Variants in CEP41 observed in about 807,000 individuals in gnomAD.
The protein encoded by CEP41 is centrosomal protein of 41 kDa.
In CEP41, 32 loss-of-function variants were observed where a neutral mutation model predicts 44.3. The observed-to-expected ratio is 0.72, with a 90% CI of 0.54 to 0.97. The LOEUF is 0.97. Among genes scored for constraint, CEP41 ranks in the 50% least tolerant of loss-of-function variants. The pLI, the probability that CEP41 is intolerant of heterozygous loss-of-function variation, is 0.00. For synonymous variants in CEP41, 151 were observed against 168.5 expected, an observed-to-expected ratio of 0.90 and a Z score of 0.80; for missense variants, 432 against 455.2, an observed-to-expected ratio of 0.95 and a Z score of 0.46.
Position 130,406,753 on chromosome 7 carries a change from C to A in CEP41, c.278-2045G>T, listed in dbSNP as rs1180165098. On this transcript the variant is annotated intron_variant, in intron 5 of 10. Transcript: ENST00000223208. ...AATGCTAAAATATTTGTCCTATACACCAATTAAAAAATAACAGGAAAAAAA... is the reference window on the plus strand; with the variant it reads ...AATGCTAAAATATTTGTCCTATACAACAATTAAAAAATAACAGGAAAAAAA... Among the ~76,000 whole-genome samples, 5 of 149,832 alleles carry A rather than the reference C, an allele frequency of 3.3e-5. No individual in the cohort carries two copies. In the Admixed American group the frequency reaches 3.3e-4, roughly 10 times the overall value.
At chr7:130,418,092 T>G (rs984094052) in intron 2 of CEP41, among the ~76,000 whole-genome samples, 26 of 152,180 alleles carry the variant, frequency 1.7e-4, no homozygotes, top group Middle Eastern at 3.2e-3. Flanking sequence ...CATTGTTTTC[T>G]TTTCTTTTCT....
chr7:130,422,231 A>G (rs1478904490), intron 2 of CEP41, among the ~76,000 whole-genome samples: 1 of 152,190 alleles, frequency 6.6e-6, no homozygotes, highest in Non-Finnish European at 1.5e-5. Flanking sequence ...GATTACTCTG[A>G]ATTGCTTGCT....
At chr7:130,416,688 T>C (rs782811336) in intron 3 of CEP41, among the ~76,000 whole-genome samples, 1 of 152,184 alleles carries the variant, frequency 6.6e-6, no homozygotes, top group Non-Finnish European at 1.5e-5. Context: ...AACACTAATG[T>C]CTCCTATGGG....
chr7:130,412,062 C>T, intron 4 of CEP41, 117 bp downstream of exon 4: 1 of 764,272 alleles, frequency 1.3e-6, no homozygotes. Flanking sequence ...AGCTGAACGA[C>T]ATACAAAGAA....
chr7:130,412,910 G>C (rs1554420137), intron 3 of CEP41, among the ~76,000 whole-genome samples: 2 of 152,212 alleles, frequency 1.3e-5, no homozygotes, highest in Non-Finnish European at 2.9e-5. Context: ...TTGTACAACA[G>C]TATGAAAATA....
chr7:130,419,797 T>C (rs531739114), intron 2 of CEP41: 1 of 985,282 alleles, frequency 1.0e-6, no homozygotes, highest in Non-Finnish European at 1.2e-6. Flanking sequence ...ACGTATCACC[T>C]TGCCACATAC....
intron 6 of CEP41, among the ~76,000 whole-genome samples, chr7:130,404,206 T>C (rs1467131826): frequency 6.6e-6 from 1 of 152,196 alleles, no homozygotes; most frequent in Admixed American, 6.5e-5. Context: ...GGACAGGGTA[T>C]TATAAGCTTC....
At chr7:130,399,080 A>T (rs1796763066) in intron 10 of CEP41, 41 bp from the exon 11 acceptor site, 4 of 1,610,132 alleles carry the variant, frequency 2.5e-6, no homozygotes, top group Non-Finnish European at 3.4e-6. Flanking sequence ...TGCAAGAATG[A>T]TTCCAGGGAC....
At chr7:130,408,762 T>C (rs1255277703) in intron 5 of CEP41, among the ~76,000 whole-genome samples, 1 of 152,130 alleles carries the variant, frequency 6.6e-6, no homozygotes, top group Non-Finnish European at 1.5e-5. Context: ...TACAAACATT[T>C]ACATATATAC....
At chr7:130,431,002 G>T (rs1797806765) in intron 1 of CEP41, among the ~76,000 whole-genome samples, 1 of 152,072 alleles carries the variant, frequency 6.6e-6, no homozygotes, top group Non-Finnish European at 1.5e-5. Context: ...CCCGCCCCCG[G>T]TTTTTCCTTA....
chr7:130,441,066 C>T, upstream of CEP41: 3 of 1,349,924 alleles, frequency 2.2e-6, no homozygotes, highest in Non-Finnish European at 3.1e-6. Context: ...TCCCTATACC[C>T]TCTTCTCCGA....
intron 9 of CEP41, chr7:130,400,497 T>A: frequency 1.6e-6 from 1 of 637,904 alleles, no homozygotes; most frequent in Non-Finnish European, 2.8e-6. Context: ...TAGGGCTTTG[T>A]GACAGAGCCC....
intron 5 of CEP41, among the ~76,000 whole-genome samples, chr7:130,409,175 A>G (rs371525095): frequency 1.3e-5 from 2 of 152,226 alleles, no homozygotes; most frequent in East Asian, 3.8e-4. Context: ...AAGATAGCCA[A>G]TATGCATACA....
chr7:130,440,780 C>T (rs1798127921), intron 1 of CEP41, 154 bp downstream of exon 1: 2 of 529,008 alleles, frequency 3.8e-6, no homozygotes, highest in Non-Finnish European at 7.0e-6. Flanking sequence ...CCCCCAAGCC[C>T]GGCCCGCCCC....
In CEP41 at chr7:130,401,952, C is replaced by T; in HGVS notation, c.575-4G>A. ...GTTGCAATTGGGTAACTGTAAGCTGCAAAGAGAAGAAAAAGTTTAGGAAGT... is the reference window on the plus strand; with the variant it reads ...GTTGCAATTGGGTAACTGTAAGCTGTAAAGAGAAGAAAAAGTTTAGGAAGT... On this transcript the variant is annotated splice_polypyrimidine_tract_variant and splice_region_variant and intron_variant, in intron 7 of 10. Coordinates refer to ENST00000223208, the MANE Select transcript of CEP41 (RefSeq NM_018718.3). The T allele has an allele frequency of 6.2e-7, 1 of 1,603,918 alleles. No individual in the cohort carries two copies. Among genetic ancestry groups the T allele is most frequent in the Non-Finnish European group, 8.5e-7 (1 of 1,170,884 alleles).
chr7:130,431,192 T>A (rs539922501), intron 1 of CEP41, among the ~76,000 whole-genome samples: 1 of 150,126 alleles, frequency 6.7e-6, no homozygotes, highest in East Asian at 2.0e-4. Context: ...ACTTTTTTTT[T>A]ATTTAAAATT....
chr7:130,418,993 C>G (rs1411945851), intron 2 of CEP41: 1 of 946,368 alleles, frequency 1.1e-6, no homozygotes, highest in Non-Finnish European at 1.3e-6. Context: ...TTCCAAACCA[C>G]AGTGGTTTCT....
intron 2 of CEP41, chr7:130,421,933 G>C (rs782370450): frequency 1.1e-4 from 173 of 1,535,312 alleles, no homozygotes; most frequent in Non-Finnish European, 1.4e-4. Flanking sequence ...CGCAGCCAGG[G>C]ATTTCATCAG....
intron 1 of CEP41, among the ~76,000 whole-genome samples, chr7:130,438,580 A>T (rs1798046613): frequency 6.6e-6 from 1 of 152,046 alleles, no homozygotes; most frequent in Non-Finnish European, 1.5e-5. Context: ...AATAAATAAA[A>T]AATAGTAACC....
Sources: allele counts gnomAD v4.1 joint callset (sites outside exome capture counted in the v4.1 genomes callset), GRCh38; gene constraint gnomAD v4.1.1; transcripts MANE v1.5; gene names NCBI Gene and HGNC (gene_info 2026-07-23, HGNC 2026-07-21).